Variants in ANK3 observed in about 807,000 individuals in gnomAD.
ANK3 encodes ankyrin 3, also known as ankyrin-3.
ANK3 carries 57 observed loss-of-function variants against 370.9 expected under a neutral mutation model. The observed-to-expected ratio is 0.15, with a 90% CI of 0.12 to 0.19. The LOEUF is 0.19. ANK3 is among the 10% of genes least tolerant of loss of function. ANK3 has a pLI of 1.00. For missense variants in ANK3, 4,439 were observed against 5,302.1 expected (o/e 0.84, Z 5.06); for synonymous variants, 1,929 against 1,946.3 (o/e 0.99, Z 0.23).
intron 1 of ANK3, among the ~76,000 whole-genome samples, chr10:60,687,812 C>A (rs1228759134): frequency 1.3e-5 from 2 of 152,022 alleles, no homozygotes; most frequent in Non-Finnish European, 2.9e-5. Flanking sequence ...GTTATATAAC[C>A]TAAATGTCCA....
chr10:60,533,093 A>G (rs551219408), intron 2 of ANK3, among the ~76,000 whole-genome samples: 2 of 152,124 alleles, frequency 1.3e-5, no homozygotes, highest in Non-Finnish European at 2.9e-5. Context: ...AAGGTTTGAG[A>G]AGTGCTGTTC....
At chr10:60,445,724 A>G (rs1255039357) in intron 2 of ANK3, among the ~76,000 whole-genome samples, 4 of 152,192 alleles carry the variant, frequency 2.6e-5, no homozygotes, top group African/African-American at 9.6e-5. Flanking sequence ...TAACATAAAC[A>G]GTGCACCACA....
At position 60,145,376 on chromosome 10, in the gene ANK3, T is replaced by C. The variant is rs374907271; in HGVS notation, c.2615-6289A>G. 5.3e-5 allele frequency among the ~76,000 whole-genome samples: 8 copies of C among 152,310 alleles called. No individual in the cohort carries two copies. In the East Asian group the frequency reaches 1.3e-3, roughly 26 times the overall value. On this transcript the variant is annotated intron_variant, in intron 23 of 43. Coordinates refer to ENST00000280772, the MANE Select transcript of ANK3 (RefSeq NM_020987.5). ...ATGATCAAACTTGACTTAAATTTAC[T>C]GTTGCTTATCCTTTAAAAAGTGATT...
intron 2 of ANK3, among the ~76,000 whole-genome samples, chr10:60,517,784 C>T (rs554123209): frequency 2.7e-4 from 39 of 143,214 alleles, no homozygotes; most frequent in East Asian, 5.0e-4. Context: ...GACAGAAGTG[C>T]GCTCTGTATA....
At chr10:60,050,744 A>T (rs2077786635) in intron 42 of ANK3, 3 of 152,176 alleles carry the variant, frequency 2.0e-5, no homozygotes. Context: ...GTGCTTCAAC[A>T]GACCTTTGTG....
At chr10:60,573,727 G>A (rs780449080) in intron 2 of ANK3, among the ~76,000 whole-genome samples, 4 of 152,178 alleles carry the variant, frequency 2.6e-5, no homozygotes, top group Non-Finnish European at 4.4e-5. Flanking sequence ...ATTCAGGAAA[G>A]CATAAGGTTC....
rs1001696697 is a variant in ANK3, at chr10:60,029,043, GA to G, written c.*802del. 1.2e-4 allele frequency: 19 copies of G among 152,390 alleles called. No homozygotes were observed. Among genetic ancestry groups the G allele is most frequent in the Non-Finnish European group, 2.1e-4 (14 of 67,940 alleles). The allele number at this position is 152,390 out of a possible 1,614,324, so 9.4% of individuals were successfully genotyped here. A position where few individuals can be genotyped will look rare whatever the true frequency, so the allele number is the denominator to read the frequency against. On this transcript the variant is annotated 3_prime_UTR_variant, in exon 44 of 44. Coordinates refer to ENST00000280772, the MANE Select transcript of ANK3 (RefSeq NM_020987.5). ...TGCATCAAAATATTAGTATTCTGAA[GA>G]AAAAAATTTTTCACAGAACTACAGA...
intron 2 of ANK3, among the ~76,000 whole-genome samples, chr10:60,463,048 C>A (rs1012687242): frequency 4.6e-5 from 7 of 152,022 alleles, no homozygotes; most frequent in Non-Finnish European, 1.0e-4. Flanking sequence ...GGACTACAGG[C>A]TTGTGCCACC....
chr10:60,572,886 G>A (rs2077631842), intron 2 of ANK3: 1 of 1,030,074 alleles, frequency 9.7e-7, no homozygotes, highest in East Asian at 8.8e-5. Context: ...CCTGGAAATG[G>A]TGAGAGAGAG....
chr10:60,450,570 A>G lies in ANK3; in HGVS notation c.96+164616T>C, dbSNP rs188009023. On this transcript the variant is annotated intron_variant, in intron 2 of 43. Coordinates refer to the ANK3 transcript ENST00000373827. Reference sequence around the variant, plus strand: ...TAGGAGAGGAAAGAGAACTTACAGTAAAGTAGAAGAATGAGTCAAAAAAAT... The same window carrying G: ...TAGGAGAGGAAAGAGAACTTACAGTGAAGTAGAAGAATGAGTCAAAAAAAT... Among the ~76,000 whole-genome samples, 487 of 152,326 alleles carry G rather than the reference A, an allele frequency of 3.2e-3. 4 individuals are homozygous for G. The highest frequency in any genetic ancestry group is 0.011 in the African/African-American group (457 of 41,566).
intron 28 of ANK3, among the ~76,000 whole-genome samples, chr10:60,101,268 G>C (rs1231227284): frequency 1.3e-5 from 2 of 152,156 alleles, no homozygotes; most frequent in African/African-American, 4.8e-5. Context: ...GTATGGGACA[G>C]GGCAGGACTA....
intron 1 of ANK3, among the ~76,000 whole-genome samples, chr10:60,641,324 T>G (rs2078629572): frequency 6.6e-6 from 1 of 151,614 alleles, no homozygotes; most frequent in Admixed American, 6.6e-5. Flanking sequence ...CATCGCCAAG[T>G]CAATCCTAAG....
chr10:60,360,983 A>C (rs1391185991), intron 1 of ANK3, among the ~76,000 whole-genome samples: 3 of 152,236 alleles, frequency 2.0e-5, no homozygotes, highest in Non-Finnish European at 2.9e-5. Flanking sequence ...ACACCTGCTT[A>C]AATTATTATT....
At chr10:60,628,873 A>T (rs1435149921) in intron 1 of ANK3, among the ~76,000 whole-genome samples, 1 of 152,224 alleles carries the variant, frequency 6.6e-6, no homozygotes, top group Non-Finnish European at 1.5e-5. Context: ...GACATGCCTA[A>T]CATTTCCAAT....
At chr10:60,690,322 T>G (rs2133401943) in intron 1 of ANK3, among the ~76,000 whole-genome samples, 1 of 152,272 alleles carries the variant, frequency 6.6e-6, no homozygotes, top group Admixed American at 6.5e-5. Flanking sequence ...GGGATTTCCC[T>G]TTCCTTTTCC....
chr10:60,226,653 CATA>C (rs35057517), intron 8 of ANK3, among the ~76,000 whole-genome samples: 60,180 of 121,680 alleles, frequency 0.49, 16,662 homozygotes, highest in East Asian at 0.79. Context: ...GATAATATAT[CATA>C]ATAAATTATA....
chr10:60,303,878 G>GTGTA (rs2044375851), intron 1 of ANK3, among the ~76,000 whole-genome samples: 1 of 96,230 alleles, frequency 1.0e-5, no homozygotes, highest in South Asian at 3.1e-4. Context: ...GTGTATATAT[G>GTGTA]TGTGTGTGTG....
At chr10:60,722,501 C>CTAAA (rs1253467658) in intron 1 of ANK3, among the ~76,000 whole-genome samples, 1 of 151,834 alleles carries the variant, frequency 6.6e-6, no homozygotes, top group Non-Finnish European at 1.5e-5. Flanking sequence ...CAAAGACAGG[C>CTAAA]TAAAAATCCC....
chr10:60,155,164 A>G (rs919474295), intron 23 of ANK3, among the ~76,000 whole-genome samples: 3 of 152,238 alleles, frequency 2.0e-5, no homozygotes, highest in African/African-American at 7.2e-5. Flanking sequence ...TATCAAGGAT[A>G]GAGGCATTGA....
Sources: gnomAD v4.1 joint callset for allele counts (sites outside exome capture counted in the v4.1 genomes callset) on GRCh38, gnomAD v4.1.1 for gene constraint, MANE v1.5 for transcripts, NCBI Gene and HGNC (gene_info 2026-07-23, HGNC 2026-07-21) for gene names.